Variants in ERI1 observed in about 807,000 individuals in gnomAD.
The protein encoded by ERI1 is 3'-5' exoribonuclease 1.
ERI1 carries 39 observed loss-of-function variants against 39.7 expected under a neutral mutation model. The ratio of observed to expected loss-of-function variants is 0.98; its 90% CI spans 0.76 to 1.28. The LOEUF is 1.28. Among genes scored for constraint, ERI1 ranks in the 50% most tolerant of loss-of-function variants. The probability of loss-of-function intolerance (pLI) is 0.00; values close to 1 mark genes in which losing one functional copy is unlikely to be tolerated. For missense variants in ERI1, 581 were observed against 416.9 expected (o/e 1.39, Z -3.43); for synonymous variants, 204 against 149.6 (o/e 1.36, Z -2.65).
chr8:9,066,763 A>T (rs992474216), intron 3 of ERI1, among the ~76,000 whole-genome samples: 2 of 152,064 alleles, frequency 1.3e-5, no homozygotes, highest in African/African-American at 4.8e-5. Flanking sequence ...AGAGACTAAA[A>T]TGTGACAGGC....
chr8:9,071,695 T>G (rs1375182416), intron 3 of ERI1, among the ~76,000 whole-genome samples: 1 of 152,120 alleles, frequency 6.6e-6, no homozygotes, highest in African/African-American at 2.4e-5. Context: ...CTTTAAAGAG[T>G]TCAAACTGTA....
chr8:9,007,612 A>G (rs369341435), intron 1 of ERI1, among the ~76,000 whole-genome samples: 46 of 152,324 alleles, frequency 3.0e-4, no homozygotes, highest in Admixed American at 1.8e-3. Flanking sequence ...AGATAAGGAA[A>G]TTGAGGATCA....
intron 4 of ERI1, among the ~76,000 whole-genome samples, chr8:9,016,897 G>A (rs975935163): frequency 4.6e-5 from 7 of 152,098 alleles, no homozygotes; most frequent in Admixed American, 1.3e-4. Flanking sequence ...ATATTGGCCA[G>A]GCTGGTCTCG....
intron 3 of ERI1, among the ~76,000 whole-genome samples, chr8:9,043,120 G>A (rs143815509): frequency 1.3e-5 from 2 of 152,310 alleles, no homozygotes; most frequent in South Asian, 2.1e-4. Context: ...TGTGGAAGGG[G>A]TACATAATTC....
rs566260822 is a variant in ERI1 at position 9,084,660 on chromosome 8, G to A, written n.300-31688G>A. Among the ~76,000 whole-genome samples, 7 of 152,278 alleles carry A rather than the reference G, an allele frequency of 4.6e-5. No individual in the cohort carries two copies. In the South Asian group the frequency reaches 1.5e-3, roughly 32 times the overall value. On this transcript the variant is annotated intron_variant and non_coding_transcript_variant, in intron 3 of 3. Coordinates refer to the ERI1 transcript ENST00000518663. ...CAGGTCAGCTCTGCAATGGCATTCT[G>A]GGGGCTGCTCCTGGAAGATGACCCA... is the stretch of plus-strand genomic sequence containing the variant.
intron 1 of ERI1, 103 bp from the exon 2 acceptor site, chr8:9,007,867 G>A (rs1816190527): frequency 6.9e-7 from 1 of 1,456,500 alleles, no homozygotes; most frequent in African/African-American, 1.5e-5. Flanking sequence ...GTAGCATGAA[G>A]AGGCTTCAGA....
intron 3 of ERI1, among the ~76,000 whole-genome samples, chr8:9,013,356 C>G (rs1253966093): frequency 2.0e-5 from 3 of 151,148 alleles, no homozygotes; most frequent in Non-Finnish European, 2.9e-5. Context: ...TAACACTGCA[C>G]TGCTGGCTTG....
chr8:9,030,038 C>T lies in ERI1; in HGVS notation c.*4C>T, dbSNP rs1180372356. ...AATGCCACATTTTAGAAAGTAACAA[C>T]AGTTTTGTGTGTGGATCATTCCAAT... On this transcript the variant is annotated 3_prime_UTR_variant, in exon 7 of 7. Transcript: ENST00000250263. 2 of 1,525,708 alleles carry T rather than the reference C, an allele frequency of 1.3e-6. No individual in the cohort carries two copies. Among genetic ancestry groups the T allele is most frequent in the Admixed American group, 2.0e-5 (1 of 49,910 alleles). 94.5% of individuals were successfully genotyped at this position (1,525,708 alleles called of 1,614,324 possible).
chr8:9,021,194 T>C (rs2081885443), intron 6 of ERI1, among the ~76,000 whole-genome samples: 2 of 152,304 alleles, frequency 1.3e-5, no homozygotes, highest in South Asian at 4.1e-4. Flanking sequence ...CTTCCGCGGT[T>C]GTTTACTTAT....
At chr8:9,063,853 G>T (rs1223303592) in intron 3 of ERI1, among the ~76,000 whole-genome samples, 7 of 152,094 alleles carry the variant, frequency 4.6e-5, no homozygotes, top group Non-Finnish European at 8.8e-5. Context: ...TAGGTTTTAG[G>T]TCAGGTGTAA....
chr8:9,022,974 G>A (rs1448467212), intron 6 of ERI1, among the ~76,000 whole-genome samples: 1 of 152,128 alleles, frequency 6.6e-6, no homozygotes, highest in Non-Finnish European at 1.5e-5. Flanking sequence ...TAGAAACACA[G>A]CTACCATACC....
chr8:9,062,811 G>T (rs985583842), intron 3 of ERI1: 3 of 151,932 alleles, frequency 2.0e-5, no homozygotes, highest in Non-Finnish European at 2.9e-5. Context: ...GATTTTCAGT[G>T]GGGTCTCGCT....
rs774374474 is a variant in ERI1 at position 9,050,617 on chromosome 8, G to A, written n.299+30153G>A. Among the ~76,000 whole-genome samples the A allele has an allele frequency of 2.4e-4, 36 of 152,078 alleles. 1 individual carries two copies. The highest frequency in any genetic ancestry group is 4.7e-4 in the Non-Finnish European group (32 of 68,026). ...CATTGGGAACGTTTCACTGCTGACT[G>A]ATAAGTCACCAGAGTGTAGGCCAAG... On this transcript the variant is annotated intron_variant and non_coding_transcript_variant, in intron 3 of 3. Transcript: ENST00000518663.
At chr8:9,044,387 T>C (rs1207421266) in intron 3 of ERI1, among the ~76,000 whole-genome samples, 1 of 152,008 alleles carries the variant, frequency 6.6e-6, no homozygotes, top group East Asian at 1.9e-4. Flanking sequence ...CAGGAGGATG[T>C]GAGGAACAGA....
chr8:9,008,108 G>T lies in ERI1; in HGVS notation c.247G>T (p.Glu83Ter). 2 of 1,608,112 alleles carry T rather than the reference G, an allele frequency of 1.2e-6. No individual in the cohort carries two copies. The highest frequency in any genetic ancestry group is 1.7e-6 in the Non-Finnish European group (2 of 1,177,998). ...CTGTATTAATAGAATGAGTAAGGAA[G>T]AACTCAGAGCTAAGCTTTCAGAATT... ...NGCINRMSKEELRAKLSEFKL... is the reference protein window; with the variant it reads ...NGCINRMSKE Residue 83 changes from glutamate (E) to a stop codon, truncating the protein, a stop_gained, in exon 2 of 7, where the codon GAA becomes TAA. Transcript: ENST00000250263. LOFTEE classifies it high-confidence loss of function.
chr8:9,095,328 G>T (rs1799842884), intron 3 of ERI1, among the ~76,000 whole-genome samples: 1 of 152,174 alleles, frequency 6.6e-6, no homozygotes, highest in African/African-American at 2.4e-5. Flanking sequence ...GTACCCAGTA[G>T]ATATCTTTTC....
intron 3 of ERI1, among the ~76,000 whole-genome samples, chr8:9,059,264 T>C (rs1417369939): frequency 6.6e-6 from 1 of 152,172 alleles, no homozygotes; most frequent in African/African-American, 2.4e-5. Context: ...GATGTGTACA[T>C]GCAGGTCACA....
intron 3 of ERI1, among the ~76,000 whole-genome samples, chr8:9,045,347 C>T (rs958802637): frequency 1.8e-4 from 27 of 152,228 alleles, no homozygotes; most frequent in Admixed American, 1.5e-3. Flanking sequence ...AGGGACTTCC[C>T]CATCCCACTT....
At chr8:9,051,196 G>A (rs1798344058) in intron 3 of ERI1, among the ~76,000 whole-genome samples, 1 of 151,778 alleles carries the variant, frequency 6.6e-6, no homozygotes, top group Admixed American at 6.6e-5. Context: ...ATGAAAAGGA[G>A]TTTATTTCTT....
Sources: gnomAD v4.1 joint callset for allele counts (sites outside exome capture counted in the v4.1 genomes callset) on GRCh38, gnomAD v4.1.1 for gene constraint, MANE v1.5 for transcripts, NCBI Gene and HGNC (gene_info 2026-07-23, HGNC 2026-07-21) for gene names.